Variants in TTC7B observed in about 807,000 individuals in gnomAD.
TTC7B encodes the protein tetratricopeptide repeat domain 7B.
In TTC7B, 28 loss-of-function variants were observed where a neutral mutation model predicts 106.8. That is an observed-to-expected ratio of 0.26 (90% CI 0.19 to 0.36). The LOEUF (loss-of-function observed/expected upper bound fraction) is 0.36. Among genes scored for constraint, TTC7B ranks in the 10% least tolerant of loss-of-function variants. The pLI is 1.00. For synonymous variants in TTC7B, 405 were observed against 430.6 expected (o/e 0.94, Z 0.74); for missense variants, 862 against 1,076.4 (o/e 0.80, Z 2.79).
chr14:90,786,068 C>T, intron 2 of TTC7B, 106 bp downstream of exon 2: 1 of 1,272,614 alleles, frequency 7.9e-7, no homozygotes. Context: ...CAAGCCCTGG[C>T]AGTGTGCAGG....
rs950896661 is a variant in TTC7B, at chr14:90,648,526, A to T, written c.1518-1503T>A. ...TCCCCACGCCCAGCTAATTTATAGA[A>T]TTTTTTGTAGACCCGGGGTTTCAAC... On this transcript the variant is annotated intron_variant, in intron 13 of 19. Coordinates refer to ENST00000328459, the MANE Select transcript of TTC7B (RefSeq NM_001010854.2). The T allele has an allele frequency of 2.6e-5, 4 of 151,782 alleles. No individual in the cohort carries two copies. In the East Asian group the frequency reaches 7.8e-4, roughly 30 times the overall value. 9.4% of individuals were successfully genotyped at this position (151,782 alleles called of 1,614,324 possible). A position where few individuals can be genotyped will look rare whatever the true frequency, so the allele number is the denominator to read the frequency against.
Position 90,536,633 on chromosome 14 carries a change from G to C in TTC7B, c.*4735C>G, listed in dbSNP as rs1245615547. 1 of 152,454 alleles carries C rather than the reference G, an allele frequency of 6.6e-6. No homozygotes were observed. The highest frequency in any genetic ancestry group is 1.5e-5 in the Non-Finnish European group (1 of 68,216). 9.4% of individuals were successfully genotyped at this position (152,454 alleles called of 1,614,324 possible). On this transcript the variant is annotated 3_prime_UTR_variant, in exon 20 of 20. Coordinates refer to ENST00000328459, the MANE Select transcript of TTC7B (RefSeq NM_001010854.2). The stretch of plus-strand genomic sequence containing the variant: ...GCTCCATGTGTGAGCAACCCTCTTG[G>C]CTCTGTCTTCAGAATCTTCACAGTC...
rs2140015541 is a variant in TTC7B, at chr14:90,759,655, G to A, written c.446-14733C>T. Among the ~76,000 whole-genome samples, 1 of 152,332 alleles carries A rather than the reference G, an allele frequency of 6.6e-6. No individual in the cohort carries two copies. Among genetic ancestry groups the A allele is most frequent in the East Asian group, 1.9e-4 (1 of 5,192 alleles). On this transcript the variant is annotated intron_variant, in intron 3 of 19. Transcript: ENST00000328459. The surrounding 1 kb of genome is among the most constrained non-coding windows in gnomAD (Gnocchi z 4.1). Reference sequence around the variant, plus strand: ...GAGATGAACCAGCTCGTCGGTGAGTGTAGGCAGAAGAGGCATTAGACACAA... The same window carrying A: ...GAGATGAACCAGCTCGTCGGTGAGTATAGGCAGAAGAGGCATTAGACACAA...
rs1459687233 is a variant in TTC7B at position 90,538,455 on chromosome 14, G to C, written c.*2913C>G. The C allele has an allele frequency of 6.6e-6, 1 of 152,522 alleles. No homozygotes were observed. The highest frequency in any genetic ancestry group is 1.5e-5 in the Non-Finnish European group (1 of 68,268). The allele number at this position is 152,522 out of a possible 1,614,324, so 9.4% of individuals were successfully genotyped here. On this transcript the variant is annotated 3_prime_UTR_variant, in exon 20 of 20. Coordinates refer to ENST00000328459, the MANE Select transcript of TTC7B (RefSeq NM_001010854.2). ...CAGGCACACAGGGGGCTGGGACACA[G>C]AGTCTGGTTCCAGGCAAGGGCTTGA...
chr14:90,746,399 C>A (rs1322606022), intron 3 of TTC7B, among the ~76,000 whole-genome samples: 1 of 152,032 alleles, frequency 6.6e-6, no homozygotes, highest in African/African-American at 2.4e-5. Flanking sequence ...TCCTTTAGTA[C>A]CTGTAGAATC....
intron 9 of TTC7B, among the ~76,000 whole-genome samples, chr14:90,659,050 G>A (rs143560670): frequency 1.9e-4 from 29 of 152,294 alleles, no homozygotes; most frequent in African/African-American, 6.7e-4. Context: ...TGGTCCAGGG[G>A]TTTCAGAATC....
At chr14:90,699,456 T>C (rs1185862116) in intron 5 of TTC7B, 3 of 342,346 alleles carry the variant, frequency 8.8e-6, no homozygotes, top group African/African-American at 2.2e-5. Context: ...CCTTCCAAAT[T>C]ATCTTCAGAC....
In TTC7B at chr14:90,578,286, C is replaced by T. The variant is rs756900436; in HGVS notation, c.2130G>A (p.Gly710=). The change falls in exon 19 of 20, where the codon GGG becomes GGA. Residue 710 remains glycine (G), a synonymous_variant. Coordinates refer to ENST00000328459, the MANE Select transcript of TTC7B (RefSeq NM_001010854.2). This position sits in a 1 kb window ranked among gnomAD's most constrained non-coding sequence, Gnocchi z 4.7. ...TACAGGCTGTGGCTTCTGCAGGCTT[C>T]CCGATGCCGATATAGACTTCAGCTG... The part of the protein sequence containing the change: ...LHAAEVYIGI[G]KPAEATACTQ... 2.1e-5 allele frequency: 34 copies of T among 1,613,954 alleles called. No homozygotes were observed. The highest frequency in any genetic ancestry group is 1.6e-4 in the African/African-American group (12 of 74,926).
chr14:90,598,103 G>A (rs1342518631), intron 17 of TTC7B, among the ~76,000 whole-genome samples: 1 of 152,194 alleles, frequency 6.6e-6, no homozygotes, highest in Non-Finnish European at 1.5e-5. Context: ...TGTGTGCTGC[G>A]CAGCGGCTGC....
chr14:90,623,360 A>G (rs4900051), intron 15 of TTC7B, among the ~76,000 whole-genome samples: 58,480 of 152,084 alleles, frequency 0.38, 12,930 homozygotes, highest in African/African-American at 0.61. Flanking sequence ...TTATTGGTAG[A>G]ATGGAAATGT....
chr14:90,656,651 G>A (rs1201852735), intron 11 of TTC7B, among the ~76,000 whole-genome samples: 1 of 152,008 alleles, frequency 6.6e-6, no homozygotes, highest in East Asian at 1.9e-4. Context: ...AAATTAGCCG[G>A]GTGCAGTGGA....
At chr14:90,637,174 C>T (rs1306837335) in intron 15 of TTC7B, among the ~76,000 whole-genome samples, 1 of 151,366 alleles carries the variant, frequency 6.6e-6, no homozygotes, top group South Asian at 2.1e-4. Flanking sequence ...GTGCATTAAA[C>T]AATATTAGAA....
intron 5 of TTC7B, among the ~76,000 whole-genome samples, chr14:90,707,839 G>C (rs1159763188): frequency 6.6e-6 from 1 of 152,136 alleles, no homozygotes; most frequent in African/African-American, 2.4e-5. Context: ...GAAAGAAGCT[G>C]TTTCTATGAT....
At chr14:90,789,451 G>T (rs1055316497) in intron 1 of TTC7B, among the ~76,000 whole-genome samples, 2 of 152,064 alleles carry the variant, frequency 1.3e-5, no homozygotes, top group African/African-American at 2.4e-5. Flanking sequence ...GGCAGGGCTC[G>T]GTGGCTCATG....
At chr14:90,728,435 A>G (rs940747637) in intron 5 of TTC7B, among the ~76,000 whole-genome samples, 9 of 152,036 alleles carry the variant, frequency 5.9e-5, no homozygotes, top group African/African-American at 1.9e-4. Context: ...AGGACAAGAG[A>G]AGAGAAAAAG....
At chr14:90,627,836 C>T (rs987507623) in intron 15 of TTC7B, among the ~76,000 whole-genome samples, 24 of 152,232 alleles carry the variant, frequency 1.6e-4, no homozygotes, top group Middle Eastern at 3.4e-3. Context: ...ATTTTTTGCT[C>T]CCACGTCAGC....
At chr14:90,740,604 C>T (rs765769992) in intron 4 of TTC7B, among the ~76,000 whole-genome samples, 1 of 142,404 alleles carries the variant, frequency 7.0e-6, no homozygotes, top group Non-Finnish European at 1.5e-5. Context: ...CAGGTTCATG[C>T]GATTCTCCTG....
At chr14:90,731,751 G>T (rs113077009) in intron 4 of TTC7B, among the ~76,000 whole-genome samples, 101 of 152,268 alleles carry the variant, frequency 6.6e-4, no homozygotes, top group Middle Eastern at 3.4e-3. Flanking sequence ...TTCTCTCTTA[G>T]GTCTCTTGAG....
At chr14:90,598,305 A>G (rs906586699) in intron 17 of TTC7B, among the ~76,000 whole-genome samples, 2 of 152,204 alleles carry the variant, frequency 1.3e-5, no homozygotes. Flanking sequence ...AGCGGAGGCC[A>G]TCTGCATTTC....
Sources: allele counts gnomAD v4.1 joint callset (sites outside exome capture counted in the v4.1 genomes callset), GRCh38; gene constraint gnomAD v4.1.1; non-coding constraint Gnocchi (gnomAD v3.1); transcripts MANE v1.5; gene names NCBI Gene and HGNC (gene_info 2026-07-23, HGNC 2026-07-21).